Variants in TGM6 observed in about 807,000 individuals in gnomAD.
TGM6 encodes transglutaminase 6.
Under a neutral mutation model 77.5 loss-of-function variants are expected in TGM6, and 74 were observed. The observed-to-expected ratio is 0.96, with a 90% CI of 0.79 to 1.16. The LOEUF (loss-of-function observed/expected upper bound fraction) is 1.16, where lower values mean the gene tolerates loss of function less well. TGM6 is among the 50% of genes most tolerant of loss of function. TGM6 has a pLI of 0.00. For synonymous variants in TGM6, 383 were observed against 378.9 expected (o/e 1.01, Z -0.12); for missense variants, 968 against 940.2 (o/e 1.03, Z -0.39).
At chr20:2,408,035 A>G (rs933192211) in intron 9 of TGM6, among the ~76,000 whole-genome samples, 11 of 152,334 alleles carry the variant, frequency 7.2e-5, no homozygotes, top group African/African-American at 2.6e-4. Flanking sequence ...AGCCTATGGG[A>G]GGGAATGCTG....
At chr20:2,401,112 G>T (rs1249961969) in intron 7 of TGM6, among the ~76,000 whole-genome samples, 1 of 152,094 alleles carries the variant, frequency 6.6e-6, no homozygotes, top group Non-Finnish European at 1.5e-5. Context: ...GGCTGAGGCA[G>T]GAGAATCGCT....
intron 1 of TGM6, among the ~76,000 whole-genome samples, chr20:2,389,828 C>A (rs1322381427): frequency 6.6e-6 from 1 of 152,108 alleles, no homozygotes; most frequent in African/African-American, 2.4e-5. Flanking sequence ...TGAACACAGA[C>A]AAAAACATGA....
At chr20:2,420,737 T>A (rs919389041) in intron 10 of TGM6, among the ~76,000 whole-genome samples, 1 of 152,218 alleles carries the variant, frequency 6.6e-6, no homozygotes, top group African/African-American at 2.4e-5. Flanking sequence ...GTTGAAATCA[T>A]ACAGTGTAAT....
chr20:2,428,583 A>C (rs965939969), intron 10 of TGM6, among the ~76,000 whole-genome samples: 3 of 152,192 alleles, frequency 2.0e-5, no homozygotes, highest in African/African-American at 7.2e-5. Flanking sequence ...TATAATGTAT[A>C]TAAAGTATTT....
At position 2,409,509 on chromosome 20, in the gene TGM6, C is replaced by T. The variant is rs971037993; in HGVS notation, c.1336+5686C>T. 3.9e-5 allele frequency among the ~76,000 whole-genome samples: 6 copies of T among 151,962 alleles called. No homozygotes were observed. The South Asian group carries it at 6.2e-4, about 16-fold the overall frequency. On this transcript the variant is annotated intron_variant, in intron 9 of 12. Coordinates refer to ENST00000202625, the MANE Select transcript of TGM6 (RefSeq NM_198994.3). ...TGCAGATCACCTGAGGTCAGGAGTTCGAGACCAGCCTGGCCAACATTGGGA... is the reference window on the plus strand; with the variant it reads ...TGCAGATCACCTGAGGTCAGGAGTTTGAGACCAGCCTGGCCAACATTGGGA...
At chr20:2,414,366 A>G (rs2084801917) in intron 9 of TGM6, among the ~76,000 whole-genome samples, 1 of 152,280 alleles carries the variant, frequency 6.6e-6, no homozygotes, top group East Asian at 1.9e-4. Flanking sequence ...ACAATGAGAT[A>G]CCACTTCACA....
At chr20:2,430,672 AAGCTGGGGGGGTTTGTGCCTTTAACTCC>A in intron 11 of TGM6, 72 bp downstream of exon 11, 1 of 1,609,388 alleles carries the variant, frequency 6.2e-7, no homozygotes, top group Non-Finnish European at 8.5e-7. Context: ...AGGGCGTCAG[AAGCTGGGGGGGTTTGTGCCTTTAACTCC>A]AGCTTTAGCT....
In TGM6 at chr20:2,397,618, G is replaced by A. The variant is rs189539773; in HGVS notation, c.544-300G>A. Among the ~76,000 whole-genome samples, 89 of 152,336 alleles carry A rather than the reference G, an allele frequency of 5.8e-4. 1 individual carries two copies. Among genetic ancestry groups the A allele is most frequent in the South Asian group, 2.1e-4 (1 of 4,830 alleles). On this transcript the variant is annotated intron_variant, in intron 4 of 12. Coordinates refer to ENST00000202625, the MANE Select transcript of TGM6 (RefSeq NM_198994.3). Reference sequence around the variant, plus strand: ...ATGTAGACCAAATGAGCATATCAGCGAGGTGGATGTGGCTCGAGAGCCTCC... The same window carrying A: ...ATGTAGACCAAATGAGCATATCAGCAAGGTGGATGTGGCTCGAGAGCCTCC...
chr20:2,426,133 G>A lies in TGM6; in HGVS notation c.1679-4313G>A, dbSNP rs182498638. Among the ~76,000 whole-genome samples the A allele has an allele frequency of 6.0e-4, 91 of 152,250 alleles. 1 individual carries two copies. Among genetic ancestry groups the A allele is most frequent in the Admixed American group, 2.9e-3 (44 of 15,286 alleles). On this transcript the variant is annotated intron_variant, in intron 10 of 12. Transcript: ENST00000202625. ...GACAATATTGAGCCTTTCTATCCAT[G>A]AACATGGAATATCTCTCCATTTATT... is the stretch of plus-strand genomic sequence containing the variant.
chr20:2,399,829 A>C, intron 6 of TGM6, 91 bp downstream of exon 6: 2 of 1,122,660 alleles, frequency 1.8e-6, no homozygotes, highest in Non-Finnish European at 2.6e-6. Flanking sequence ...GCTGCAACCC[A>C]TCTTCATTGA....
intron 9 of TGM6, among the ~76,000 whole-genome samples, chr20:2,415,004 A>C (rs555105716): frequency 2.8e-4 from 43 of 152,160 alleles, no homozygotes; most frequent in African/African-American, 9.2e-4. Context: ...GTGAACTACT[A>C]AGAAACATTG....
chr20:2,424,862 C>T (rs2122428658), intron 10 of TGM6, among the ~76,000 whole-genome samples: 1 of 152,146 alleles, frequency 6.6e-6, no homozygotes, highest in South Asian at 2.1e-4. Context: ...ATTAATTGGC[C>T]TAATTTCAAT....
In TGM6 at chr20:2,399,757, G is replaced by A; in HGVS notation, c.850+19G>A. Reference sequence around the variant, plus strand: ...TGCACAGGTACCCTGGGAGAGAAGGGCCCCAGGGTACCTGTGCCCCCAGCT... The same window carrying A: ...TGCACAGGTACCCTGGGAGAGAAGGACCCCAGGGTACCTGTGCCCCCAGCT... On this transcript the variant is annotated intron_variant, in intron 6 of 12. Transcript: ENST00000202625. 4 of 1,607,248 alleles carry A rather than the reference G, an allele frequency of 2.5e-6. No individual in the cohort carries two copies. Among genetic ancestry groups the A allele is most frequent in the South Asian group, 1.1e-5 (1 of 90,724 alleles).
At chr20:2,423,566 C>A (rs1471760356) in intron 10 of TGM6, among the ~76,000 whole-genome samples, 1 of 152,172 alleles carries the variant, frequency 6.6e-6, no homozygotes, top group East Asian at 1.9e-4. Flanking sequence ...TCCACCACAT[C>A]ATCAGTGACT....
intron 1 of TGM6, among the ~76,000 whole-genome samples, chr20:2,381,944 G>A (rs1191066716): frequency 6.7e-6 from 1 of 150,348 alleles, no homozygotes; most frequent in Non-Finnish European, 1.5e-5. Flanking sequence ...AAGATAATGT[G>A]TCCCCCACGA....
chr20:2,397,841 C>G, intron 4 of TGM6, 77 bp from the exon 5 acceptor site: 1 of 1,612,222 alleles, frequency 6.2e-7, no homozygotes, highest in Non-Finnish European at 8.5e-7. Flanking sequence ...GGGTGACTGA[C>G]CGGGTGAGGG....
rs60831987 is a variant in TGM6 at position 2,425,267 on chromosome 20, A to G, written c.1679-5179A>G. ...GAGGCTGAGGCAGGAGGATTGCTTGAGCCCAAGAGCTGGAAGTTTGCAGTG... is the reference window on the plus strand; with the variant it reads ...GAGGCTGAGGCAGGAGGATTGCTTGGGCCCAAGAGCTGGAAGTTTGCAGTG... On this transcript the variant is annotated intron_variant, in intron 10 of 12. Coordinates refer to ENST00000202625, the MANE Select transcript of TGM6 (RefSeq NM_198994.3). Among the ~76,000 whole-genome samples the G allele has an allele frequency of 4.6e-3, 697 of 152,034 alleles. 4 individuals are homozygous for G. The highest frequency in any genetic ancestry group is 0.016 in the African/African-American group (663 of 41,430).
At chr20:2,389,895 G>A (rs914539742) in intron 1 of TGM6, among the ~76,000 whole-genome samples, 2 of 152,058 alleles carry the variant, frequency 1.3e-5, no homozygotes, top group Non-Finnish European at 2.9e-5. Flanking sequence ...CCTATAGATG[G>A]GCTAATATGA....
At chr20:2,396,715 G>T in intron 4 of TGM6, 91 bp downstream of exon 4, 1 of 1,193,852 alleles carries the variant, frequency 8.4e-7, no homozygotes. Context: ...ACTCTTCTCA[G>T]GAGGGACAAG....
Sources: allele counts gnomAD v4.1 joint callset (sites outside exome capture counted in the v4.1 genomes callset), GRCh38; gene constraint gnomAD v4.1.1; transcripts MANE v1.5; gene names NCBI Gene and HGNC (gene_info 2026-07-23, HGNC 2026-07-21).